The following KIF9 variants were observed in gnomAD, a reference collection of about 807,000 sequenced individuals.
KIF9 encodes the protein kinesin-like protein KIF9.
In KIF9, 68 loss-of-function variants were observed where a neutral mutation model predicts 94.8. That is an observed-to-expected ratio of 0.72 (90% CI 0.59 to 0.88). KIF9 has a LOEUF of 0.88. KIF9 is among the 40% of genes least tolerant of loss of function. The pLI is 0.00. For synonymous variants in KIF9, 343 were observed against 362.1 expected (o/e 0.95, Z 0.60); for missense variants, 882 against 982.5 (o/e 0.90, Z 1.37).
chr3:47,257,641 C>G (rs1238615743), intron 9 of KIF9, 81 bp from the exon 10 acceptor site: 2 of 1,180,210 alleles, frequency 1.7e-6, no homozygotes, highest in African/African-American at 1.5e-5. Flanking sequence ...AGAGACCTTG[C>G]CTGCCCTTTC....
intron 20 of KIF9, among the ~76,000 whole-genome samples, chr3:47,230,907 G>A (rs536296684): frequency 5.3e-5 from 8 of 152,122 alleles, no homozygotes; most frequent in South Asian, 2.1e-4. Context: ...GCATGGTGGC[G>A]CATGCCTATA....
chr3:47,238,942 C>T (rs763775019), intron 17 of KIF9, among the ~76,000 whole-genome samples: 15 of 152,180 alleles, frequency 9.9e-5, no homozygotes, highest in East Asian at 1.9e-4. Flanking sequence ...GGATTATAGG[C>T]GTGAGCCACC....
chr3:47,250,241 G>A (rs1345130106), intron 10 of KIF9, among the ~76,000 whole-genome samples: 2 of 152,066 alleles, frequency 1.3e-5, no homozygotes. Context: ...TACAGCTACT[G>A]AACACTTGAA....
chr3:47,241,549 C>T lies in KIF9; in HGVS notation c.1710-534G>A, dbSNP rs1198822766. On this transcript the variant is annotated intron_variant, in intron 16 of 20. Transcript: ENST00000684063. ...GTTGGTCAGGCTGGTCTCGAACTCC[C>T]GACCTCAGGTAATCCACCCGCCTCA... 4.0e-5 allele frequency among the ~76,000 whole-genome samples: 6 copies of T among 150,742 alleles called. No individual in the cohort carries two copies. The South Asian group carries it at 1.0e-3, about 26-fold the overall frequency.
intron 2 of KIF9, 31 bp from the exon 3 acceptor site, chr3:47,275,521 G>T (rs1701910421): frequency 6.4e-7 from 1 of 1,559,848 alleles, no homozygotes; most frequent in African/African-American, 1.4e-5. Context: ...AGAAAAAAAT[G>T]TTATTTGTTC....
intron 12 of KIF9, among the ~76,000 whole-genome samples, chr3:47,247,093 G>A (rs142953938): frequency 1.3e-5 from 2 of 152,310 alleles, no homozygotes; most frequent in Non-Finnish European, 2.9e-5. Context: ...CACTAGGCAG[G>A]TGAGGCCACT....
At chr3:47,256,586 C>T (rs1344258108) in intron 10 of KIF9, among the ~76,000 whole-genome samples, 6 of 151,822 alleles carry the variant, frequency 4.0e-5, no homozygotes, top group Admixed American at 6.5e-5. Context: ...TGCCCGGCCG[C>T]CCCTGCTGGG....
intron 20 of KIF9, among the ~76,000 whole-genome samples, chr3:47,232,748 C>T (rs560904511): frequency 1.7e-4 from 26 of 151,574 alleles, no homozygotes; most frequent in African/African-American, 5.3e-4. Context: ...TTTGGGAGGC[C>T]GAGGCGGGTG....
chr3:47,243,313 G>T, intron 15 of KIF9, 68 bp from the exon 16 acceptor site: 1 of 1,375,014 alleles, frequency 7.3e-7, no homozygotes, highest in Non-Finnish European at 9.9e-7. Context: ...CAGGATGAGT[G>T]ACCTTTCTCA....
At chr3:47,247,558 C>T in intron 11 of KIF9, 81 bp from the exon 12 acceptor site, 2 of 1,108,214 alleles carry the variant, frequency 1.8e-6, no homozygotes, top group Non-Finnish European at 2.8e-6. Flanking sequence ...TTCTGAGAGG[C>T]AAAGTGGGGA....
chr3:47,236,319 G>A, intron 18 of KIF9, 124 bp downstream of exon 18: 1 of 1,154,002 alleles, frequency 8.7e-7, no homozygotes. Context: ...CACATCTCAA[G>A]CCCCTGCCCA....
intron 1 of KIF9, 93 bp from the exon 2 acceptor site, chr3:47,277,472 G>A: frequency 1.2e-6 from 1 of 833,382 alleles, no homozygotes; most frequent in Non-Finnish European, 1.9e-6. Context: ...AGAAAAGAGT[G>A]ACGAGCAGTC....
chr3:47,264,333 C>A lies in KIF9; in HGVS notation c.934G>T (p.Val312Phe), dbSNP rs886805932. Residue 312 changes from valine to phenylalanine, a missense_variant, in exon 9 of 21, where the codon GTC becomes TTC. Physicochemically the swap from Val to Phe is conservative, Grantham distance 50. Coordinates refer to ENST00000684063, the MANE Select transcript of KIF9 (RefSeq NM_182902.4). ...KDSLGGNCNMVLVTNIYGEAA... is the reference protein window; with the variant it reads ...KDSLGGNCNMFLVTNIYGEAA... ...TCTCCATAGATGTTTGTCACGAGGA[C>A]CATATTGCAGTTTCCCCCTGCGGAA... 1.9e-6 allele frequency: 3 copies of A among 1,613,676 alleles called. No homozygotes were observed. Among genetic ancestry groups the A allele is most frequent in the Non-Finnish European group, 8.5e-7 (1 of 1,179,582 alleles).
chr3:47,277,619 C>T (rs1433731180), intron 1 of KIF9, among the ~76,000 whole-genome samples: 1 of 152,104 alleles, frequency 6.6e-6, no homozygotes, highest in East Asian at 1.9e-4. Context: ...CACCAATGAC[C>T]CCAGAGAGAC....
intron 4 of KIF9, among the ~76,000 whole-genome samples, chr3:47,272,848 C>T (rs1701732336): frequency 6.6e-6 from 1 of 152,160 alleles, no homozygotes; most frequent in African/African-American, 2.4e-5. Context: ...GCTCCAAAAA[C>T]AGGAGCATGG....
chr3:47,247,444 C>A lies in KIF9; in HGVS notation c.1162G>T (p.Asp388Tyr), dbSNP rs1559436564. Residue 388 changes from aspartate to tyrosine, a missense_variant, in exon 12 of 21, where the codon GAT becomes TAT. Transcript: ENST00000684063. ...TTGATCTCAGCAATCTGGATTTCAT[C>A]CATGGGGTCATAGGTCACAAAGGTG... is the stretch of plus-strand genomic sequence containing the variant. Reference protein sequence around the residue: ...NRTFVTYDPMDEIQIAEINSQ... With the variant: ...NRTFVTYDPMYEIQIAEINSQ... The A allele has an allele frequency of 6.2e-7, 1 of 1,613,900 alleles. No homozygotes were observed. The highest frequency in any genetic ancestry group is 8.5e-7 in the Non-Finnish European group (1 of 1,179,802).
intron 5 of KIF9, among the ~76,000 whole-genome samples, chr3:47,269,674 T>C (rs1312108746): frequency 6.6e-6 from 1 of 151,944 alleles, no homozygotes; most frequent in African/African-American, 2.4e-5. Context: ...TAATCTCAGC[T>C]CACTGCAGCC....
intron 2 of KIF9, 115 bp from the exon 3 acceptor site, chr3:47,275,605 T>C: frequency 1.3e-6 from 1 of 748,840 alleles, no homozygotes; most frequent in Non-Finnish European, 2.2e-6. Context: ...AACTGTAGGA[T>C]GAATGGGGAC....
At chr3:47,282,345 C>T in intron 1 of KIF9, 150 bp downstream of exon 1, 1 of 986,082 alleles carries the variant, frequency 1.0e-6, no homozygotes, top group Middle Eastern at 5.2e-4. Flanking sequence ...CCCGCGACGT[C>T]GAGCCCTCCT....
Sources: gnomAD v4.1 joint callset for allele counts (sites outside exome capture counted in the v4.1 genomes callset) on GRCh38, gnomAD v4.1.1 for gene constraint, MANE v1.5 for transcripts, NCBI Gene and HGNC (gene_info 2026-07-23, HGNC 2026-07-21) for gene names.